GLIS3: variants seen among roughly 807,000 people sequenced by gnomAD.
GLIS3 encodes the protein zinc finger protein GLIS3.
GLIS3 carries 53 observed loss-of-function variants against 78.6 expected under a neutral mutation model. The ratio of observed to expected loss-of-function variants is 0.67; its 90% CI spans 0.54 to 0.85. The LOEUF (loss-of-function observed/expected upper bound fraction) is 0.85. GLIS3 is among the 40% of genes least tolerant of loss of function. The probability of loss-of-function intolerance (pLI) is 0.00; values close to 1 mark genes in which losing one functional copy is unlikely to be tolerated. For missense variants in GLIS3, 1,703 were observed against 1,231.1 expected (o/e 1.38, Z -5.74); for synonymous variants, 684 against 509.9 (o/e 1.34, Z -4.60).
At chr9:4,076,772 T>C (rs955329867) in intron 4 of GLIS3, among the ~76,000 whole-genome samples, 7 of 152,190 alleles carry the variant, frequency 4.6e-5, no homozygotes. Context: ...TGTTAAATTT[T>C]TTGGCTGGGC....
chr9:4,424,217 G>A, the GLIS3 span, among the ~76,000 whole-genome samples: 1 of 152,180 alleles, frequency 6.6e-6, no homozygotes, highest in African/African-American at 2.4e-5. Flanking sequence ...AAAATCAGTT[G>A]ATGTAGGTTC....
intron 2 of GLIS3, among the ~76,000 whole-genome samples, chr9:4,268,959 T>G (rs979745386): frequency 6.6e-6 from 1 of 152,214 alleles, no homozygotes; most frequent in South Asian, 2.1e-4. Context: ...GTTCAATACT[T>G]CAACAGCTGT....
chr9:3,985,803 A>ATTTTGTAC (rs1280044203), intron 4 of GLIS3, among the ~76,000 whole-genome samples: 35 of 152,246 alleles, frequency 2.3e-4, no homozygotes, highest in Admixed American at 2.2e-3. Flanking sequence ...CGTTAGAAGC[A>ATTTTGTAC]TTTTGTACAA....
At chr9:3,959,769 T>C (rs1817420097) in intron 4 of GLIS3, among the ~76,000 whole-genome samples, 1 of 152,220 alleles carries the variant, frequency 6.6e-6, no homozygotes, top group Admixed American at 6.5e-5. Flanking sequence ...GTGACTGTAT[T>C]TGGAGACAGG....
chr9:4,361,921 A>C, the GLIS3 span, among the ~76,000 whole-genome samples: 9 of 152,230 alleles, frequency 5.9e-5, no homozygotes, highest in African/African-American at 2.2e-4. Flanking sequence ...TTGGAATGTT[A>C]TCTCTCTTCT....
intron 2 of GLIS3, among the ~76,000 whole-genome samples, chr9:4,313,639 C>A (rs12554768): frequency 0.063 from 9,664 of 152,240 alleles, 393 homozygotes; most frequent in Admixed American, 0.11. Context: ...ATACTCTGTT[C>A]TTGAGTCAAA....
chr9:3,936,506 G>C (rs1017894730), intron 5 of GLIS3, among the ~76,000 whole-genome samples: 2 of 152,114 alleles, frequency 1.3e-5, no homozygotes, highest in Non-Finnish European at 2.9e-5. Context: ...TCTTAGATCA[G>C]CTGAAGGTGA....
intron 7 of GLIS3, 64 bp from the exon 8 acceptor site, chr9:3,879,659 C>G: frequency 2.6e-6 from 4 of 1,552,854 alleles, no homozygotes; most frequent in Non-Finnish European, 3.5e-6. Context: ...TTTTAAATAC[C>G]GAAGCCTGAC....
At chr9:4,376,328 A>T in the GLIS3 span, among the ~76,000 whole-genome samples, 3 of 152,210 alleles carry the variant, frequency 2.0e-5, no homozygotes, top group African/African-American at 2.4e-5. Context: ...GTATCCAAGG[A>T]GAGATTTCAG....
chr9:3,870,200 G>A (rs1820880503), intron 8 of GLIS3, among the ~76,000 whole-genome samples: 1 of 152,072 alleles, frequency 6.6e-6, no homozygotes, highest in African/African-American at 2.4e-5. Context: ...ATACCTGTGA[G>A]ACTACAAAAT....
chr9:4,362,233 T>C, the GLIS3 span, among the ~76,000 whole-genome samples: 2 of 152,216 alleles, frequency 1.3e-5, no homozygotes, highest in African/African-American at 4.8e-5. Context: ...ATTTTTGCTA[T>C]GGATTTTTTT....
At chr9:4,319,916 G>C (rs376099634) in intron 2 of GLIS3, among the ~76,000 whole-genome samples, 3 of 152,022 alleles carry the variant, frequency 2.0e-5, no homozygotes, top group South Asian at 4.1e-4. Context: ...ATCTGTCTAC[G>C]CATGGCTCAC....
chr9:4,101,679 C>T (rs1830383313), intron 4 of GLIS3, among the ~76,000 whole-genome samples: 1 of 152,088 alleles, frequency 6.6e-6, no homozygotes, highest in Non-Finnish European at 1.5e-5. Flanking sequence ...AAACTGTTTC[C>T]AATTAGCTGG....
At chr9:4,253,560 C>T (rs1023175541) in intron 2 of GLIS3, among the ~76,000 whole-genome samples, 3 of 152,202 alleles carry the variant, frequency 2.0e-5, no homozygotes, top group Non-Finnish European at 2.9e-5. Flanking sequence ...CGGGTGGGAT[C>T]CGCTGAGCTA....
At chr9:3,903,805 G>GGGGAAT (rs1378089210) in intron 6 of GLIS3, among the ~76,000 whole-genome samples, 7 of 152,128 alleles carry the variant, frequency 4.6e-5, no homozygotes, top group African/African-American at 1.7e-4. Context: ...GGAGTGATAG[G>GGGGAAT]GGGAATTTTG....
chr9:3,913,636 T>C (rs546964360), intron 6 of GLIS3, among the ~76,000 whole-genome samples: 3 of 152,364 alleles, frequency 2.0e-5, no homozygotes, highest in South Asian at 4.1e-4. Flanking sequence ...TCCAATTCAA[T>C]GTCACTTGTC....
chr9:4,475,309 C>A, the GLIS3 span, among the ~76,000 whole-genome samples: 3 of 152,210 alleles, frequency 2.0e-5, no homozygotes, highest in Non-Finnish European at 4.4e-5. Context: ...AGATGCTTCA[C>A]AGAAGAGGAG....
intron 2 of GLIS3, among the ~76,000 whole-genome samples, chr9:4,209,410 G>A (rs970781909): frequency 1.3e-5 from 2 of 152,102 alleles, no homozygotes; most frequent in African/African-American, 4.8e-5. Flanking sequence ...TAAACGTCTT[G>A]GAATCTGTAC....
intron 2 of GLIS3, among the ~76,000 whole-genome samples, chr9:4,130,061 C>T (rs1219322130): frequency 6.6e-6 from 1 of 152,126 alleles, no homozygotes; most frequent in African/African-American, 2.4e-5. Flanking sequence ...ATCTGTGGAA[C>T]TTTGAATTTG....
Sources: gnomAD v4.1 joint callset for allele counts (sites outside exome capture counted in the v4.1 genomes callset) on GRCh38, gnomAD v4.1.1 for gene constraint, MANE v1.5 for transcripts, NCBI Gene and HGNC (gene_info 2026-07-23, HGNC 2026-07-21) for gene names.